Variants in SMARCA5 observed in about 807,000 individuals in gnomAD.
SMARCA5 encodes SNF2 related chromatin remodeling ATPase 5, also known as SWI/SNF-related matrix-associated actin-dependent regulator of chromatin subfamily A member 5.
In SMARCA5, 18 loss-of-function variants were observed where a neutral mutation model predicts 140.4. The ratio of observed to expected loss-of-function variants is 0.13; its 90% CI spans 0.09 to 0.19. The LOEUF (loss-of-function observed/expected upper bound fraction) is 0.19, where lower values mean the gene tolerates loss of function less well. Among genes scored for constraint, SMARCA5 ranks in the 10% least tolerant of loss-of-function variants. The pLI is 1.00. For synonymous variants in SMARCA5, 449 were observed against 419.6 expected (o/e 1.07, Z -0.86); for missense variants, 606 against 1,276.8 (o/e 0.47, Z 8.01).
In SMARCA5 at chr4:143,550,111, A is replaced by G. The variant is rs1737612808; in HGVS notation, c.3093+7A>G. 7.0e-7 allele frequency: 1 copy of G among 1,421,092 alleles called. No homozygotes were observed. The highest frequency in any genetic ancestry group is 1.4e-5 in the African/African-American group (1 of 69,286). The allele number at this position is 1,421,092 out of a possible 1,614,324, so 88.0% of individuals were successfully genotyped here. Reference sequence around the variant, plus strand: ...ACGAGGACCAAAGCCTTCAGTAAGTATTCATGAATATGTAAATATGTGGAT... The same window carrying G: ...ACGAGGACCAAAGCCTTCAGTAAGTGTTCATGAATATGTAAATATGTGGAT... On this transcript the variant is annotated splice_region_variant and intron_variant, in intron 23 of 23. Transcript: ENST00000283131.
In SMARCA5 at chr4:143,536,372, G is replaced by A. The variant is rs1578799524; in HGVS notation, c.1269-80G>A. 5 of 916,330 alleles carry A rather than the reference G, an allele frequency of 5.5e-6. No individual in the cohort carries two copies. In the East Asian group the frequency reaches 9.9e-5, roughly 18 times the overall value. 56.8% of individuals were successfully genotyped at this position (916,330 alleles called of 1,614,324 possible). A position where few individuals can be genotyped will look rare whatever the true frequency, so the allele number is the denominator to read the frequency against. ...ACAGATATTTGGGGGTTCATGTGGG[G>A]AAGGGGATTAAGTATGTAAAGTGGC... On this transcript the variant is annotated intron_variant, in intron 10 of 23. Transcript: ENST00000283131.
At position 143,544,827 on chromosome 4, in the gene SMARCA5, A is replaced by G; in HGVS notation, c.2263A>G (p.Ser755Gly). The G allele has an allele frequency of 6.2e-7, 1 of 1,607,994 alleles. No individual in the cohort carries two copies. Among genetic ancestry groups the G allele is most frequent in the South Asian group, 1.1e-5 (1 of 90,642 alleles). ...ATATTTCAGGGAAGCTCTTCGTGTT[A>G]GTGAACCTAAAGCACCCAAGGTGAG... is the stretch of plus-strand genomic sequence containing the variant. ...DAYFREALRV[S>G]EPKAPKAPRP... Residue 755 changes from serine (S) to glycine (G), a missense_variant, in exon 17 of 24, where the codon AGT (serine) becomes GGT (glycine). By Grantham distance (56) the Ser-to-Gly change is moderately conservative. This residue lies in a region of SMARCA5 where 62 missense variants were observed against 256.6 expected (regional missense o/e 0.24). Transcript: ENST00000283131.
At chr4:143,546,152 T>A in intron 19 of SMARCA5, 105 bp downstream of exon 19, 1 of 769,500 alleles carries the variant, frequency 1.3e-6, no homozygotes, top group Non-Finnish European at 1.9e-6. Flanking sequence ...CTTTTAAAGA[T>A]GGAATAATTG....
intron 2 of SMARCA5, among the ~76,000 whole-genome samples, chr4:143,519,793 C>T (rs1264454913): frequency 2.0e-5 from 3 of 152,138 alleles, no homozygotes; most frequent in African/African-American, 7.2e-5. Context: ...TTTTCTTGGA[C>T]CTTGAGTATT....
chr4:143,550,224 ACTT>A, intron 23 of SMARCA5, 120 bp downstream of exon 23: 1 of 271,970 alleles, frequency 3.7e-6, no homozygotes, highest in Non-Finnish European at 6.2e-6. Flanking sequence ...CATTGCCTTT[ACTT>A]TTTTTTTTTT....
chr4:143,536,287 A>G (rs1229389920), intron 10 of SMARCA5, among the ~76,000 whole-genome samples, 165 bp from the exon 11 acceptor site: 1 of 152,188 alleles, frequency 6.6e-6, no homozygotes, highest in East Asian at 1.9e-4. Context: ...AAATGGAAGC[A>G]AAAAGAGGTT....
chr4:143,522,312 C>G (rs567200604), intron 3 of SMARCA5, among the ~76,000 whole-genome samples: 54 of 152,232 alleles, frequency 3.5e-4, no homozygotes, highest in African/African-American at 1.2e-3. Flanking sequence ...TTTGGAAATT[C>G]TCTAGAATTT....
chr4:143,530,976 C>T (rs2149820153), intron 9 of SMARCA5, among the ~76,000 whole-genome samples: 1 of 152,204 alleles, frequency 6.6e-6, no homozygotes, highest in Non-Finnish European at 1.5e-5. Flanking sequence ...CCACCATGCC[C>T]AGCTAATTTT....
intron 9 of SMARCA5, among the ~76,000 whole-genome samples, chr4:143,534,185 C>T (rs900617350): frequency 4.0e-5 from 6 of 151,844 alleles, no homozygotes; most frequent in African/African-American, 1.5e-4. Context: ...TGCTATTGCA[C>T]ACTTAATAGT....
intron 3 of SMARCA5, among the ~76,000 whole-genome samples, chr4:143,522,294 A>T (rs551777012): frequency 6.6e-6 from 1 of 152,162 alleles, no homozygotes; most frequent in Non-Finnish European, 1.5e-5. Context: ...TAATTCTTAC[A>T]TGTTGAATTT....
chr4:143,540,631 C>A, intron 14 of SMARCA5, 136 bp downstream of exon 14: 2 of 748,048 alleles, frequency 2.7e-6, no homozygotes, highest in East Asian at 2.8e-5. Context: ...ACTTGTATTG[C>A]AAATACAGTA....
At chr4:143,527,263 T>C (rs911979709) in intron 6 of SMARCA5, among the ~76,000 whole-genome samples, 1 of 152,250 alleles carries the variant, frequency 6.6e-6, no homozygotes, top group African/African-American at 2.4e-5. Flanking sequence ...CTCTACTGAA[T>C]AGCTGTGTAC....
Position 143,555,372 on chromosome 4 carries a change from C to T in SMARCA5, c.*2188C>T. ...TCCCCACTGCCACCATATCCATCAC[C>T]ACCACCATGGCTGCCACCAAAGCCA... On this transcript the variant is annotated 3_prime_UTR_variant, in exon 24 of 24. Coordinates refer to ENST00000283131, the MANE Select transcript of SMARCA5 (RefSeq NM_003601.4). The T allele has an allele frequency of 1.4e-6, 1 of 698,476 alleles. No homozygotes were observed. Among genetic ancestry groups the T allele is most frequent in the South Asian group, 1.4e-5 (1 of 73,138 alleles). The allele number at this position is 698,476 out of a possible 1,614,324, so 43.3% of individuals were successfully genotyped here.
rs1265566751 is a variant in SMARCA5, at chr4:143,557,149, T to C, written c.*3965T>C. ...GCTATGAGAAGATTGAGGATCTAGG[T>C]ACTTGCCTTTAACTCTACAGCATAC... On this transcript the variant is annotated 3_prime_UTR_variant, in exon 24 of 24. Transcript: ENST00000283131. 6.6e-6 allele frequency: 1 copy of C among 152,182 alleles called. No individual in the cohort carries two copies. The highest frequency in any genetic ancestry group is 1.5e-5 in the Non-Finnish European group (1 of 68,046). The allele number at this position is 152,182 out of a possible 1,614,324, so 9.4% of individuals were successfully genotyped here.
chr4:143,537,475 C>T (rs1170846960), intron 11 of SMARCA5, among the ~76,000 whole-genome samples: 1 of 152,096 alleles, frequency 6.6e-6, no homozygotes, highest in East Asian at 1.9e-4. Context: ...AATGGGTTTA[C>T]TTTTTCCTTT....
chr4:143,544,966 G>A, intron 17 of SMARCA5, 119 bp downstream of exon 17: 1 of 423,802 alleles, frequency 2.4e-6, no homozygotes, highest in Non-Finnish European at 4.0e-6. Context: ...TTTTTTTTTT[G>A]AGACAGAGTC....
intron 4 of SMARCA5, 80 bp from the exon 5 acceptor site, chr4:143,525,371 G>A: frequency 1.2e-6 from 1 of 859,010 alleles, no homozygotes; most frequent in East Asian, 2.4e-5. Flanking sequence ...AAAGTCAGTA[G>A]ATATGTGTAG....
Position 143,538,814 on chromosome 4 carries a change from A to G in SMARCA5, c.1646A>G (p.Asn549Ser). Residue 549 changes from asparagine (N) to serine (S), a missense_variant, in exon 13 of 24, where the codon AAC becomes AGC. Asn to Ser is a conservative substitution (Grantham distance 46). Around this residue, in one of 10 missense-constraint regions of SMARCA5, gnomAD observed 68 missense variants for 126.9 expected, o/e 0.54. Transcript: ENST00000283131. ...TCCATCAATGCATACAATGAACCAA[A>G]CAGCACAAAGTTTGTTTTCATGTTA... ...QDSINAYNEPNSTKFVFMLST... is the reference protein window; with the variant it reads ...QDSINAYNEPSSTKFVFMLST... 6.2e-7 allele frequency: 1 copy of G among 1,614,080 alleles called. No individual in the cohort carries two copies. Among genetic ancestry groups the G allele is most frequent in the Non-Finnish European group, 8.5e-7 (1 of 1,179,992 alleles).
chr4:143,526,774 G>A (rs1286063519), intron 6 of SMARCA5, among the ~76,000 whole-genome samples: 1 of 151,998 alleles, frequency 6.6e-6, no homozygotes, highest in Non-Finnish European at 1.5e-5. Context: ...TGAGGCAGGA[G>A]AATCGCTGGA....
Sources: gnomAD v4.1 joint callset for allele counts (sites outside exome capture counted in the v4.1 genomes callset) on GRCh38, gnomAD v4.1.1 for gene constraint, gnomAD v4.1.1 regional missense constraint, MANE v1.5 for transcripts, NCBI Gene and HGNC (gene_info 2026-07-23, HGNC 2026-07-21) for gene names.